Variants in EFNA5 observed in about 807,000 individuals in gnomAD.
The protein encoded by EFNA5 is ephrin-A5.
In EFNA5, 5 loss-of-function variants were observed where a neutral mutation model predicts 22.9. The ratio of observed to expected loss-of-function variants is 0.22; its 90% CI spans 0.11 to 0.46. EFNA5 has a LOEUF of 0.46. Ranked by LOEUF, EFNA5 falls within the 20% of genes least tolerant of loss-of-function variation. EFNA5 has a pLI of 0.99. For missense variants in EFNA5, 237 were observed against 293.3 expected, an observed-to-expected ratio of 0.81 and a Z score of 1.40; for synonymous variants, 113 against 112.2, an observed-to-expected ratio of 1.01 and a Z score of -0.04.
intron 1 of EFNA5, among the ~76,000 whole-genome samples, chr5:107,560,744 C>T (rs1748517546): frequency 6.6e-6 from 1 of 152,208 alleles, no homozygotes; most frequent in African/African-American, 2.4e-5. Context: ...TCCCCAACTA[C>T]CCTCCATATC....
intron 1 of EFNA5, among the ~76,000 whole-genome samples, chr5:107,580,017 T>C (rs1749009552): frequency 6.6e-6 from 1 of 152,212 alleles, no homozygotes; most frequent in African/African-American, 2.4e-5. Context: ...TGATTTTATA[T>C]GCTTTGGGTG....
chr5:107,494,301 T>G (rs1746903918), intron 1 of EFNA5, among the ~76,000 whole-genome samples: 1 of 152,020 alleles, frequency 6.6e-6, no homozygotes, highest in African/African-American at 2.4e-5. Flanking sequence ...CCAGCTGGAG[T>G]TCCGGGTGGG....
chr5:107,665,508 C>A (rs1751047607), intron 1 of EFNA5, among the ~76,000 whole-genome samples: 1 of 152,168 alleles, frequency 6.6e-6, no homozygotes, highest in South Asian at 2.1e-4. Flanking sequence ...TTAGTTATTA[C>A]CACTAAAATC....
chr5:107,491,333 T>C (rs1041169416), intron 1 of EFNA5, among the ~76,000 whole-genome samples: 15 of 152,162 alleles, frequency 9.9e-5, no homozygotes, highest in Admixed American at 3.3e-4. Flanking sequence ...CTTCCTTCCA[T>C]GGAGTTCCGC....
At chr5:107,645,147 T>C (rs999368715) in intron 1 of EFNA5, among the ~76,000 whole-genome samples, 2 of 152,214 alleles carry the variant, frequency 1.3e-5, no homozygotes, top group South Asian at 4.1e-4. Context: ...TTAGAGTCAA[T>C]TATATAATGC....
At chr5:107,549,763 G>A (rs1440339521) in intron 1 of EFNA5, among the ~76,000 whole-genome samples, 4 of 152,260 alleles carry the variant, frequency 2.6e-5, no homozygotes, top group Non-Finnish European at 4.4e-5. Flanking sequence ...AGTGGCCTGG[G>A]CCTTGTCCTG....
chr5:107,549,816 G>C (rs1167721050), intron 1 of EFNA5, among the ~76,000 whole-genome samples: 1 of 152,232 alleles, frequency 6.6e-6, no homozygotes, highest in African/African-American at 2.4e-5. Flanking sequence ...TGGCCATGAG[G>C]AATGAGCAGC....
intron 1 of EFNA5, among the ~76,000 whole-genome samples, chr5:107,537,672 G>A (rs1050028198): frequency 1.3e-5 from 2 of 152,180 alleles, no homozygotes; most frequent in Non-Finnish European, 2.9e-5. Flanking sequence ...GAGAGATCAT[G>A]AACATTTTAC....
Position 107,460,584 on chromosome 5 carries a change from G to A in EFNA5, c.126-33075C>T, listed in dbSNP as rs548624755. Among the ~76,000 whole-genome samples, 6 of 151,948 alleles carry A rather than the reference G, an allele frequency of 3.9e-5. No homozygotes were observed. The South Asian group carries it at 1.2e-3, about 32-fold the overall frequency. On this transcript the variant is annotated intron_variant, in intron 1 of 4. Transcript: ENST00000333274. ...TATCAGCTGTTTCTTCACTTTTTTGGTAAAAAATAAATTTGAGCAAACTAA... is the reference window on the plus strand; with the variant it reads ...TATCAGCTGTTTCTTCACTTTTTTGATAAAAAATAAATTTGAGCAAACTAA...
At chr5:107,401,012 T>G (rs930969716) in intron 2 of EFNA5, among the ~76,000 whole-genome samples, 1 of 152,212 alleles carries the variant, frequency 6.6e-6, no homozygotes, top group Admixed American at 6.5e-5. Flanking sequence ...AACTTTAACA[T>G]GTAGTATAGT....
intron 1 of EFNA5, among the ~76,000 whole-genome samples, chr5:107,569,007 A>G (rs1314152587): frequency 6.6e-6 from 1 of 152,158 alleles, no homozygotes; most frequent in African/African-American, 2.4e-5. Context: ...GGTTCTGTTG[A>G]CCTTAGTGGC....
chr5:107,647,312 G>C (rs947110349), intron 1 of EFNA5, among the ~76,000 whole-genome samples: 1 of 152,000 alleles, frequency 6.6e-6, no homozygotes, highest in African/African-American at 2.4e-5. Context: ...TGCATCGTGG[G>C]TATAACTGTC....
intron 1 of EFNA5, among the ~76,000 whole-genome samples, chr5:107,511,020 G>T (rs1212253475): frequency 6.6e-6 from 1 of 151,294 alleles, no homozygotes; most frequent in East Asian, 1.9e-4. Flanking sequence ...GTGTGTGTGT[G>T]TGTGTGTGTG....
At chr5:107,561,456 C>G (rs977123595) in intron 1 of EFNA5, among the ~76,000 whole-genome samples, 1 of 152,108 alleles carries the variant, frequency 6.6e-6, no homozygotes, top group Non-Finnish European at 1.5e-5. Flanking sequence ...GCAACCTCCA[C>G]CTCCTGGGTT....
chr5:107,446,827 T>C (rs149805337), intron 1 of EFNA5, among the ~76,000 whole-genome samples: 131 of 152,236 alleles, frequency 8.6e-4, no homozygotes, highest in African/African-American at 3.1e-3. Flanking sequence ...GGGGACTGTC[T>C]ATGCACTCAC....
intron 1 of EFNA5, among the ~76,000 whole-genome samples, chr5:107,485,416 T>C (rs1746590435): frequency 6.6e-6 from 1 of 152,218 alleles, no homozygotes; most frequent in Non-Finnish European, 1.5e-5. Flanking sequence ...CTAGTGTAAC[T>C]GTTTCAAGTT....
intron 1 of EFNA5, among the ~76,000 whole-genome samples, chr5:107,477,919 A>G (rs1234899907): frequency 3.3e-5 from 5 of 152,136 alleles, no homozygotes; most frequent in Non-Finnish European, 7.4e-5. Flanking sequence ...TTAACAAGCT[A>G]TCAATCAGAG....
chr5:107,508,814 T>A (rs937768384), intron 1 of EFNA5, among the ~76,000 whole-genome samples: 49 of 152,374 alleles, frequency 3.2e-4, no homozygotes, highest in African/African-American at 1.2e-3. Flanking sequence ...TAAAGGTGTT[T>A]CAATAATTAA....
At chr5:107,537,078 C>T (rs1403493614) in intron 1 of EFNA5, among the ~76,000 whole-genome samples, 1 of 151,294 alleles carries the variant, frequency 6.6e-6, no homozygotes, top group Non-Finnish European at 1.5e-5. Flanking sequence ...GCACTCCAGC[C>T]TGGCAACAGA....
Sources: allele counts gnomAD v4.1 joint callset (sites outside exome capture counted in the v4.1 genomes callset), GRCh38; gene constraint gnomAD v4.1.1; transcripts MANE v1.5; gene names NCBI Gene and HGNC (gene_info 2026-07-23, HGNC 2026-07-21).